EEFSEC: variants seen among roughly 807,000 people sequenced by gnomAD.
EEFSEC encodes eukaryotic elongation factor, selenocysteine-tRNA specific, also known as selenocysteine-specific elongation factor.
A neutral mutation model predicts 42.1 loss-of-function variants in EEFSEC; 43 were observed. The ratio of observed to expected loss-of-function variants is 1.02; its 90% confidence interval spans 0.80 to 1.32. EEFSEC has a LOEUF of 1.32. Among genes scored for constraint, EEFSEC ranks in the 40% most tolerant of loss-of-function variants. The pLI is 0.00. For synonymous variants in EEFSEC, 354 were observed against 339.1 expected, an observed-to-expected ratio of 1.04 and a Z score of -0.48; for missense variants, 745 against 803.6, an observed-to-expected ratio of 0.93 and a Z score of 0.88.
chr3:128,275,256 G>T (rs1187443229), intron 4 of EEFSEC, among the ~76,000 whole-genome samples: 1 of 152,188 alleles, frequency 6.6e-6, no homozygotes. Context: ...TGTGTAAATG[G>T]CAATTGACAG....
intron 1 of EEFSEC, among the ~76,000 whole-genome samples, chr3:128,212,945 C>T (rs1012076272): frequency 1.3e-5 from 2 of 152,212 alleles, no homozygotes; most frequent in East Asian, 1.9e-4. Context: ...AGCCACATCC[C>T]GGGGAGCAGC....
At chr3:128,326,278 T>C (rs761306653) in intron 4 of EEFSEC, among the ~76,000 whole-genome samples, 1 of 152,236 alleles carries the variant, frequency 6.6e-6, no homozygotes, top group Non-Finnish European at 1.5e-5. Flanking sequence ...CTCTGGCTGC[T>C]GGGCCAGGCA....
intron 6 of EEFSEC, among the ~76,000 whole-genome samples, chr3:128,384,680 G>A (rs145914603): frequency 1.2e-4 from 18 of 152,314 alleles, no homozygotes; most frequent in East Asian, 3.9e-4. Context: ...GAGGGAACAC[G>A]TCCAAGGTCA....
the EEFSEC span, among the ~76,000 whole-genome samples, chr3:128,421,180 C>G: frequency 6.6e-6 from 1 of 152,228 alleles, no homozygotes; most frequent in Non-Finnish European, 1.5e-5. Context: ...TCCAGGCCCA[C>G]ACTCTGTTGA....
intron 1 of EEFSEC, among the ~76,000 whole-genome samples, chr3:128,202,383 A>G (rs1576541793): frequency 1.3e-5 from 2 of 152,182 alleles, no homozygotes; most frequent in East Asian, 1.9e-4. Context: ...TCTTGTACAT[A>G]TGTTGTTAAA....
At chr3:128,253,249 C>T (rs1002065161) in intron 2 of EEFSEC, among the ~76,000 whole-genome samples, 1 of 152,236 alleles carries the variant, frequency 6.6e-6, no homozygotes, top group Non-Finnish European at 1.5e-5. Context: ...CTCTGTGTCC[C>T]TCTGAGCCTC....
intron 4 of EEFSEC, among the ~76,000 whole-genome samples, chr3:128,277,414 C>T (rs955756922): frequency 6.6e-6 from 1 of 152,128 alleles, no homozygotes; most frequent in Non-Finnish European, 1.5e-5. Context: ...ATAACATGTT[C>T]TTGTTTATAA....
At chr3:128,351,300 C>T (rs1360221227) in intron 5 of EEFSEC, among the ~76,000 whole-genome samples, 1 of 152,232 alleles carries the variant, frequency 6.6e-6, no homozygotes, top group African/African-American at 2.4e-5. Flanking sequence ...AATTTGACAT[C>T]CACTAATTGA....
At chr3:128,275,296 T>C (rs956314392) in intron 4 of EEFSEC, among the ~76,000 whole-genome samples, 5 of 152,160 alleles carry the variant, frequency 3.3e-5, no homozygotes, top group African/African-American at 1.2e-4. Context: ...CAAGCATGGG[T>C]GCTGCCTGGT....
intron 1 of EEFSEC, among the ~76,000 whole-genome samples, chr3:128,159,291 C>G (rs1246113681): frequency 6.6e-6 from 1 of 152,234 alleles, no homozygotes; most frequent in African/African-American, 2.4e-5. Context: ...TCCGCCACCC[C>G]TAACCTGGAT....
In EEFSEC at chr3:128,238,596, C is replaced by A. The variant is rs368457505; in HGVS notation, c.317-8240C>A. Among the ~76,000 whole-genome samples the A allele has an allele frequency of 4.6e-5, 7 of 152,316 alleles. No individual in the cohort carries two copies. In the East Asian group the frequency reaches 1.3e-3, roughly 29 times the overall value. ...AGTCTCGGCTCACTGCAGCCTCCAC[C>A]TCCTGGGTTCAAGTAATTCTCGTGT... On this transcript the variant is annotated intron_variant, in intron 1 of 6. Coordinates refer to ENST00000254730, the MANE Select transcript of EEFSEC (RefSeq NM_021937.5).
At chr3:128,276,363 CT>C (rs1314134830) in intron 4 of EEFSEC, among the ~76,000 whole-genome samples, 1 of 152,174 alleles carries the variant, frequency 6.6e-6, no homozygotes, top group African/African-American at 2.4e-5. Flanking sequence ...AAGGGACTCC[CT>C]TTATTGGCAG....
In EEFSEC at chr3:128,233,989, T is replaced by C. The variant is rs114547365; in HGVS notation, c.317-12847T>C. Among the ~76,000 whole-genome samples, 339 of 152,298 alleles carry C rather than the reference T, an allele frequency of 2.2e-3. 1 individual carries two copies. The highest frequency in any genetic ancestry group is 7.4e-3 in the African/African-American group (308 of 41,558). ...GCATGCAATATGTGTTCATTCTCTT[T>C]CTTCCTTTCCCCGATTCCCTGACCT... On this transcript the variant is annotated intron_variant, in intron 1 of 6. Transcript: ENST00000254730.
intron 4 of EEFSEC, among the ~76,000 whole-genome samples, chr3:128,286,796 G>T (rs763524463): frequency 2.0e-5 from 3 of 152,228 alleles, no homozygotes; most frequent in Non-Finnish European, 2.9e-5. Context: ...AGCTAGGAAA[G>T]AAATGTATAT....
chr3:128,245,635 G>T (rs2066119004), intron 1 of EEFSEC, among the ~76,000 whole-genome samples: 1 of 152,162 alleles, frequency 6.6e-6, no homozygotes, highest in Admixed American at 6.5e-5. Context: ...AGGCCTCTTG[G>T]AACAGTGGGA....
chr3:128,303,733 T>G (rs2066795634), intron 4 of EEFSEC, among the ~76,000 whole-genome samples: 1 of 152,242 alleles, frequency 6.6e-6, no homozygotes, highest in African/African-American at 2.4e-5. Flanking sequence ...CATTCTTTTA[T>G]GACCTCTGTG....
downstream of EEFSEC, among the ~76,000 whole-genome samples, chr3:128,408,822 A>G (rs1220108314): frequency 6.6e-6 from 1 of 152,186 alleles, no homozygotes; most frequent in Admixed American, 6.5e-5. Flanking sequence ...CAACCCCACT[A>G]GGTGGCTCCT....
chr3:128,227,063 A>G (rs2065915175), intron 1 of EEFSEC, among the ~76,000 whole-genome samples: 1 of 152,162 alleles, frequency 6.6e-6, no homozygotes, highest in Admixed American at 6.5e-5. Flanking sequence ...GGCTTGCAGG[A>G]CATGGTGGAC....
chr3:128,314,813 T>C (rs2066927486), intron 4 of EEFSEC, among the ~76,000 whole-genome samples: 1 of 151,994 alleles, frequency 6.6e-6, no homozygotes, highest in Admixed American at 6.5e-5. Context: ...TTCCCAGAGG[T>C]GGGGGAGTCA....
Sources: gnomAD v4.1 joint callset for allele counts (sites outside exome capture counted in the v4.1 genomes callset) on GRCh38, gnomAD v4.1.1 for gene constraint, MANE v1.5 for transcripts, NCBI Gene and HGNC (gene_info 2026-07-23, HGNC 2026-07-21) for gene names.